Variants in GRM5 observed in about 807,000 individuals in gnomAD.
GRM5 encodes the protein metabotropic glutamate receptor 5.
In GRM5, 19 loss-of-function variants were observed where a neutral mutation model predicts 83.1. The observed-to-expected ratio is 0.23, with a 90% CI of 0.16 to 0.34. GRM5 has a LOEUF of 0.34. Among genes scored for constraint, GRM5 ranks in the 10% least tolerant of loss-of-function variants. The pLI is 1.00. For missense variants in GRM5, 1,160 were observed against 1,588.3 expected (o/e 0.73, Z 4.58); for synonymous variants, 675 against 633.6 (o/e 1.07, Z -0.98).
intron 2 of GRM5, among the ~76,000 whole-genome samples, chr11:88,931,361 G>T (rs1224894380): frequency 6.6e-6 from 1 of 151,742 alleles, no homozygotes; most frequent in East Asian, 1.9e-4. Context: ...AAAAATGAGA[G>T]AAATGACTTT....
At chr11:88,727,907 G>T (rs1361754568) in intron 3 of GRM5, among the ~76,000 whole-genome samples, 1 of 152,100 alleles carries the variant, frequency 6.6e-6, no homozygotes. Context: ...TTTACTAAAT[G>T]CCCACAGGGG....
intron 2 of GRM5, among the ~76,000 whole-genome samples, chr11:88,928,074 G>A (rs1473572090): frequency 6.6e-6 from 1 of 152,064 alleles, no homozygotes; most frequent in African/African-American, 2.4e-5. Context: ...AAAGGTTTGT[G>A]AACCCTCTTA....
chr11:88,646,230 T>C (rs1939440671), intron 4 of GRM5, among the ~76,000 whole-genome samples: 1 of 152,092 alleles, frequency 6.6e-6, no homozygotes, highest in Non-Finnish European at 1.5e-5. Context: ...GAAACAGTTT[T>C]AACTTAATTA....
chr11:88,634,175 G>A (rs555727348), intron 4 of GRM5, among the ~76,000 whole-genome samples: 28 of 152,232 alleles, frequency 1.8e-4, no homozygotes, highest in African/African-American at 6.7e-4. Context: ...AGTTGTTCTG[G>A]GCAAGTCAGT....
intron 2 of GRM5, among the ~76,000 whole-genome samples, chr11:88,909,218 G>A (rs1020839002): frequency 6.6e-6 from 1 of 152,040 alleles, no homozygotes; most frequent in Non-Finnish European, 1.5e-5. Context: ...TATAAAGCAT[G>A]GTTCTATTAA....
chr11:89,034,858 T>C (rs1941347780), intron 2 of GRM5, among the ~76,000 whole-genome samples: 1 of 151,144 alleles, frequency 6.6e-6, no homozygotes, highest in African/African-American at 2.4e-5. Context: ...TTTTTTTTTT[T>C]TTTGGGAGGG....
chr11:88,584,596 C>G (rs796375233), intron 7 of GRM5, among the ~76,000 whole-genome samples: 3 of 152,074 alleles, frequency 2.0e-5, no homozygotes, highest in Non-Finnish European at 2.9e-5. Context: ...GCATGCACCA[C>G]CGTGGCTGGC....
chr11:88,541,252 A>C (rs961656547), intron 8 of GRM5, among the ~76,000 whole-genome samples: 1 of 152,154 alleles, frequency 6.6e-6, no homozygotes, highest in African/African-American at 2.4e-5. Flanking sequence ...TCACAATGCA[A>C]AATATCCAAA....
At chr11:88,709,071 G>C (rs919444198) in intron 3 of GRM5, among the ~76,000 whole-genome samples, 2 of 151,976 alleles carry the variant, frequency 1.3e-5, no homozygotes, top group African/African-American at 4.8e-5. Flanking sequence ...ATCTTGTAAA[G>C]ATGAAAATGG....
At chr11:88,711,771 G>T (rs1271787525) in intron 3 of GRM5, among the ~76,000 whole-genome samples, 1 of 144,540 alleles carries the variant, frequency 6.9e-6, no homozygotes, top group Non-Finnish European at 1.5e-5. Context: ...TCAGATTATT[G>T]ACATTTCAAA....
At chr11:88,532,059 C>A (rs1206112192) in intron 8 of GRM5, among the ~76,000 whole-genome samples, 1 of 152,074 alleles carries the variant, frequency 6.6e-6, no homozygotes, top group Non-Finnish European at 1.5e-5. Flanking sequence ...AAAAAAACAG[C>A]CTGATTTCTC....
chr11:88,756,248 A>G (rs1942391323), intron 3 of GRM5, among the ~76,000 whole-genome samples: 1 of 152,180 alleles, frequency 6.6e-6, no homozygotes, highest in Non-Finnish European at 1.5e-5. Flanking sequence ...AATGGAAGAG[A>G]TCATATAAAT....
rs186563079 is a variant in GRM5 at position 88,866,836 on chromosome 11, T to C, written c.662-16681A>G. 1.3e-4 allele frequency among the ~76,000 whole-genome samples: 20 copies of C among 152,256 alleles called. No homozygotes were observed. In the East Asian group the frequency reaches 3.5e-3, roughly 26 times the overall value. Reference sequence around the variant, plus strand: ...GTTTTCGTCTAGAGTTTTTATGGTTTTAGGTATTAGTTTAAGTCTTTAATC... The same window carrying C: ...GTTTTCGTCTAGAGTTTTTATGGTTCTAGGTATTAGTTTAAGTCTTTAATC... On this transcript the variant is annotated intron_variant, in intron 2 of 9. Transcript: ENST00000305447.
At chr11:88,939,374 C>T (rs1253800906) in intron 2 of GRM5, among the ~76,000 whole-genome samples, 3 of 151,784 alleles carry the variant, frequency 2.0e-5, no homozygotes, top group Admixed American at 6.6e-5. Context: ...GAAACCCAAA[C>T]ATACCAGATG....
intron 7 of GRM5, among the ~76,000 whole-genome samples, chr11:88,569,225 A>G (rs1591355408): frequency 6.6e-6 from 1 of 152,218 alleles, no homozygotes; most frequent in African/African-American, 2.4e-5. Flanking sequence ...ATGTGCAACC[A>G]AAGTTGAGAA....
intron 2 of GRM5, among the ~76,000 whole-genome samples, chr11:89,009,692 C>T (rs1425142792): frequency 2.0e-5 from 3 of 151,194 alleles, no homozygotes; most frequent in Non-Finnish European, 4.4e-5. Context: ...GTCAGGAGAT[C>T]GAGACCATCC....
intron 2 of GRM5, among the ~76,000 whole-genome samples, chr11:88,891,456 G>C (rs1565279790): frequency 6.6e-6 from 1 of 151,840 alleles, no homozygotes; most frequent in Non-Finnish European, 1.5e-5. Flanking sequence ...TGTTCAGGGG[G>C]CCCCTGAAAC....
chr11:88,517,159 A>T lies in GRM5; in HGVS notation c.2727-7655T>A, dbSNP rs549787379. 1.4e-3 allele frequency among the ~76,000 whole-genome samples: 203 copies of T among 145,940 alleles called. 2 individuals carry two copies. The highest frequency in any genetic ancestry group is 6.9e-3 in the South Asian group (32 of 4,656). On this transcript the variant is annotated intron_variant, in intron 9 of 9. Coordinates refer to ENST00000305447, the MANE Select transcript of GRM5 (RefSeq NM_001143831.3). ...CACACACACACACACACACACACACACACGTTTCTGATCCCCTCATTTACA... is the reference window on the plus strand; with the variant it reads ...CACACACACACACACACACACACACTCACGTTTCTGATCCCCTCATTTACA...
chr11:88,708,914 G>A (rs1941221759), intron 3 of GRM5, among the ~76,000 whole-genome samples: 1 of 152,104 alleles, frequency 6.6e-6, no homozygotes, highest in Non-Finnish European at 1.5e-5. Context: ...AGTTACAGAA[G>A]TGAGTGATTA....
Sources: gnomAD v4.1 joint callset for allele counts (sites outside exome capture counted in the v4.1 genomes callset) on GRCh38, gnomAD v4.1.1 for gene constraint, MANE v1.5 for transcripts, NCBI Gene and HGNC (gene_info 2026-07-23, HGNC 2026-07-21) for gene names.